CSGALNACT1: variants seen among roughly 807,000 people sequenced by gnomAD.
CSGALNACT1 encodes the protein beta4GalNAcT-1.
CSGALNACT1 carries 52 observed loss-of-function variants against 51.0 expected under a neutral mutation model. The observed-to-expected ratio is 1.02, with a 90% CI of 0.82 to 1.29. CSGALNACT1 has a LOEUF of 1.29. Ranked by LOEUF, CSGALNACT1 falls within the 50% of genes most tolerant of loss-of-function variation. The pLI is 0.00. For missense variants in CSGALNACT1, 935 were observed against 679.2 expected (o/e 1.38, Z -4.19); for synonymous variants, 341 against 254.4 (o/e 1.34, Z -3.24).
exon 4 of CSGALNACT1, chr8:19,505,243 T>C (rs1205162052): frequency 1.2e-6 from 2 of 1,614,034 alleles, no homozygotes; most frequent in African/African-American, 1.3e-5. Context: ...TGATTGGGGC[T>C]GTTCTCTGCA....
intron 5 of CSGALNACT1, among the ~76,000 whole-genome samples, chr8:19,442,374 G>A (rs967356596): frequency 7.2e-5 from 11 of 152,050 alleles, no homozygotes; most frequent in Non-Finnish European, 1.2e-4. Flanking sequence ...ATACACCATG[G>A]AATACTATGC....
At chr8:19,721,651 C>T (rs988688643) in intron 1 of CSGALNACT1, among the ~76,000 whole-genome samples, 3 of 152,172 alleles carry the variant, frequency 2.0e-5, no homozygotes, top group Admixed American at 2.0e-4. Context: ...ATGACAAACA[C>T]AGAATTCTGT....
At chr8:19,404,829 GAA>G in exon 10 of CSGALNACT1, 1 of 454,536 alleles carries the variant, frequency 2.2e-6, no homozygotes, top group Non-Finnish European at 4.4e-6. Context: ...CTGTAAAGCA[GAA>G]AGTGTCATTT....
intron 3 of CSGALNACT1, among the ~76,000 whole-genome samples, chr8:19,523,333 T>A (rs944988031): frequency 1.3e-5 from 2 of 152,196 alleles, no homozygotes; most frequent in African/African-American, 4.8e-5. Flanking sequence ...GGCGCGATCA[T>A]GGGTCACTGC....
intron 3 of CSGALNACT1, among the ~76,000 whole-genome samples, chr8:19,513,430 C>CTATATATATATATA (rs1457528458): frequency 7.6e-5 from 6 of 78,720 alleles, no homozygotes; most frequent in East Asian, 5.9e-4. Flanking sequence ...CTCTCTCTCT[C>CTATATATATATATA]TCTCTCTATA....
chr8:19,667,093 A>G (rs997759731), intron 1 of CSGALNACT1, among the ~76,000 whole-genome samples: 5,726 of 117,162 alleles, frequency 0.049, 1,063 homozygotes, highest in African/African-American at 0.076. Flanking sequence ...GAAAGAAAGA[A>G]AGAAAGGGAA....
chr8:19,563,287 G>T (rs139703706), intron 3 of CSGALNACT1, among the ~76,000 whole-genome samples: 2 of 152,132 alleles, frequency 1.3e-5, no homozygotes, highest in East Asian at 1.9e-4. Context: ...GGAGGGTCAG[G>T]GGGAGGGAGA....
intron 1 of CSGALNACT1, among the ~76,000 whole-genome samples, chr8:19,641,496 A>C (rs2056745518): frequency 6.6e-6 from 1 of 152,138 alleles, no homozygotes; most frequent in Non-Finnish European, 1.5e-5. Context: ...TACCAGTCCT[A>C]CTGCATGGGA....
At chr8:19,467,937 G>T (rs12543997) in intron 4 of CSGALNACT1, among the ~76,000 whole-genome samples, 1 of 152,118 alleles carries the variant, frequency 6.6e-6, no homozygotes, top group African/African-American at 2.4e-5. Context: ...AGTGAGCTGT[G>T]ATTGCGCTGC....
chr8:19,404,381 C>T (rs1306230519), exon 10 of CSGALNACT1: 1 of 453,328 alleles, frequency 2.2e-6, no homozygotes, highest in Non-Finnish European at 4.4e-6. Flanking sequence ...CTGGTGCTGG[C>T]TAATAATTTT....
chr8:19,489,552 T>C (rs2073897638), intron 4 of CSGALNACT1, among the ~76,000 whole-genome samples: 1 of 152,182 alleles, frequency 6.6e-6, no homozygotes. Context: ...AATCAACGTT[T>C]ATGTACCAGG....
exon 4 of CSGALNACT1, chr8:19,505,471 C>A: frequency 1.9e-6 from 3 of 1,614,168 alleles, no homozygotes; most frequent in Non-Finnish European, 2.5e-6. Flanking sequence ...TGCAGGAAGG[C>A]CAGGAGGTCG....
chr8:19,635,788 C>T (rs568439758), intron 1 of CSGALNACT1, among the ~76,000 whole-genome samples: 5 of 152,206 alleles, frequency 3.3e-5, no homozygotes, highest in Admixed American at 1.3e-4. Context: ...TGTGTAGTGG[C>T]GTGATCTCCG....
At chr8:19,569,886 A>G (rs914697337) in intron 3 of CSGALNACT1, among the ~76,000 whole-genome samples, 4 of 152,228 alleles carry the variant, frequency 2.6e-5, no homozygotes, top group African/African-American at 9.6e-5. Context: ...AGAACAAACT[A>G]CTGCTACATG....
At chr8:19,528,943 A>C (rs2082232042) in intron 3 of CSGALNACT1, among the ~76,000 whole-genome samples, 1 of 152,240 alleles carries the variant, frequency 6.6e-6, no homozygotes, top group South Asian at 2.1e-4. Context: ...CACAGCCTTC[A>C]GAAGGTCTAT....
intron 1 of CSGALNACT1, among the ~76,000 whole-genome samples, chr8:19,706,551 A>C (rs1301626013): frequency 6.6e-6 from 1 of 152,198 alleles, no homozygotes; most frequent in Admixed American, 6.5e-5. Flanking sequence ...CCAGAAGGAC[A>C]TCTCTTTAGC....
At chr8:19,725,817 C>G (rs188505511) in intron 1 of CSGALNACT1, among the ~76,000 whole-genome samples, 27 of 152,076 alleles carry the variant, frequency 1.8e-4, no homozygotes, top group African/African-American at 6.3e-4. Context: ...CCCTCTACCC[C>G]CAACACATAC....
chr8:19,518,473 C>T (rs2079989080), intron 3 of CSGALNACT1, among the ~76,000 whole-genome samples: 1 of 152,174 alleles, frequency 6.6e-6, no homozygotes. Flanking sequence ...CTTCCCCACA[C>T]ACTATGTAAA....
intron 6 of CSGALNACT1, among the ~76,000 whole-genome samples, chr8:19,432,189 T>C (rs561624984): frequency 5.3e-5 from 8 of 152,286 alleles, no homozygotes; most frequent in Non-Finnish European, 7.4e-5. Flanking sequence ...TATCTGGGAA[T>C]GTCCTAATTT....
Sources: gnomAD v4.1 joint callset for allele counts (sites outside exome capture counted in the v4.1 genomes callset) on GRCh38, gnomAD v4.1.1 for gene constraint, MANE v1.5 for transcripts, NCBI Gene and HGNC (gene_info 2026-07-23, HGNC 2026-07-21) for gene names.